The following IGF2R variants were observed in gnomAD, a reference collection of about 807,000 sequenced individuals.
The protein encoded by IGF2R is insulin like growth factor 2 receptor.
In IGF2R, 91 loss-of-function variants were observed where a neutral mutation model predicts 270.6. That is an observed-to-expected ratio of 0.34 (90% CI 0.28 to 0.40). The LOEUF is 0.40. IGF2R is among the 10% of genes least tolerant of loss of function. IGF2R has a pLI of 1.00. For synonymous variants in IGF2R, 1,316 were observed against 1,258.9 expected, an observed-to-expected ratio of 1.05 and a Z score of -0.96; for missense variants, 2,805 against 3,188.3, an observed-to-expected ratio of 0.88 and a Z score of 2.90.
At chr6:159,974,507 A>G (rs1418163132) in intron 1 of IGF2R, among the ~76,000 whole-genome samples, 1 of 152,082 alleles carries the variant, frequency 6.6e-6, no homozygotes, top group African/African-American at 2.4e-5. Context: ...TTTCTCAGTG[A>G]TATCCTTTGA....
At chr6:160,065,810 G>GTA (rs1280903899) in intron 29 of IGF2R, among the ~76,000 whole-genome samples, 16 of 72,968 alleles carry the variant, frequency 2.2e-4, no homozygotes, top group African/African-American at 8.4e-4. Flanking sequence ...GTGTGTGTGT[G>GTA]TGTGTATATA....
Position 160,063,655 on chromosome 6 carries a change from T to C in IGF2R, c.3886+25T>C. 3.8e-6 allele frequency: 6 copies of C among 1,568,316 alleles called. No homozygotes were observed. The East Asian group carries it at 1.3e-4, about 35-fold the overall frequency. ...GGTACCATTGTTTGTCGTTTTCCTT[T>C]TGTTGCAAAGGAATGGAATTAAAAT... On this transcript the variant is annotated intron_variant, in intron 27 of 47. Coordinates refer to ENST00000356956, the MANE Select transcript of IGF2R (RefSeq NM_000876.4).
intron 4 of IGF2R, among the ~76,000 whole-genome samples, chr6:160,022,443 C>CT (rs1470080349): frequency 1.3e-5 from 2 of 152,174 alleles, no homozygotes; most frequent in Admixed American, 1.3e-4. Flanking sequence ...CTTGCCAACT[C>CT]TAACAGTGGG....
chr6:160,077,799 A>G (rs1013066401), intron 36 of IGF2R, among the ~76,000 whole-genome samples: 1 of 152,280 alleles, frequency 6.6e-6, no homozygotes, highest in African/African-American at 2.4e-5. Context: ...ATATCTGGCC[A>G]TGTGGCATCT....
chr6:159,990,108 G>T (rs1783953460), intron 1 of IGF2R, among the ~76,000 whole-genome samples: 1 of 152,298 alleles, frequency 6.6e-6, no homozygotes, highest in African/African-American at 2.4e-5. Context: ...TGCCTTTCAT[G>T]CCATAGCTAG....
At chr6:160,065,810 G>GTATATA (rs1280903899) in intron 29 of IGF2R, among the ~76,000 whole-genome samples, 2 of 72,978 alleles carry the variant, frequency 2.7e-5, no homozygotes, top group African/African-American at 1.2e-4. Context: ...GTGTGTGTGT[G>GTATATA]TGTGTATATA....
At chr6:160,081,803 G>A (rs1778988272) in intron 39 of IGF2R, among the ~76,000 whole-genome samples, 1 of 152,186 alleles carries the variant, frequency 6.6e-6, no homozygotes, top group South Asian at 2.1e-4. Flanking sequence ...GAGAAATATG[G>A]CTCTGTCCTC....
At chr6:159,984,722 A>G (rs1783855980) in intron 1 of IGF2R, among the ~76,000 whole-genome samples, 1 of 152,186 alleles carries the variant, frequency 6.6e-6, no homozygotes, top group Non-Finnish European at 1.5e-5. Context: ...TTGCCTCATG[A>G]CACATTTCTG....
Position 160,075,968 on chromosome 6 carries a change from C to T in IGF2R, c.5288C>T (p.Ala1763Val), listed in dbSNP as rs758109180. The change falls in exon 36 of 48, where the codon GCG becomes GTG. Residue 1763 changes from alanine to valine, a missense_variant. Coordinates refer to ENST00000356956, the MANE Select transcript of IGF2R (RefSeq NM_000876.4). The part of the protein sequence containing the change: ...DKHFNYTSLI[A>V]FHCKRGVSMG... The stretch of plus-strand genomic sequence containing the variant: ...CATTTCAACTACACCTCGCTCATCG[C>T]GTTTCACTGTAAGAGAGGTGTGAGC... 12 of 1,614,154 alleles carry T rather than the reference C, an allele frequency of 7.4e-6. No individual in the cohort carries two copies. The highest frequency in any genetic ancestry group is 1.6e-4 in the Middle Eastern group (1 of 6,062).
At chr6:160,018,447 T>TA (rs993951597) in intron 4 of IGF2R, among the ~76,000 whole-genome samples, 6 of 152,130 alleles carry the variant, frequency 3.9e-5, no homozygotes, top group Non-Finnish European at 5.9e-5. Flanking sequence ...ACACGGCACA[T>TA]AAATTGGATT....
intron 2 of IGF2R, among the ~76,000 whole-genome samples, chr6:160,001,686 T>C (rs1583251503): frequency 6.6e-6 from 1 of 152,128 alleles, no homozygotes; most frequent in African/African-American, 2.4e-5. Context: ...AATCATACAT[T>C]ATCCACACAT....
Position 160,034,534 on chromosome 6 carries a change from C to G in IGF2R, c.1315+12C>G. The G allele has an allele frequency of 6.4e-7, 1 of 1,553,892 alleles. No homozygotes were observed. The highest frequency in any genetic ancestry group is 1.1e-5 in the South Asian group (1 of 89,880). ...CAATAAAACCGCAGGTAAGTGTGCGCTGGAGTTCAGCCCCTCCTCTTTGCA... is the reference window on the plus strand; with the variant it reads ...CAATAAAACCGCAGGTAAGTGTGCGGTGGAGTTCAGCCCCTCCTCTTTGCA... On this transcript the variant is annotated intron_variant, in intron 10 of 47. Coordinates refer to ENST00000356956, the MANE Select transcript of IGF2R (RefSeq NM_000876.4).
In IGF2R at chr6:159,969,388, C is replaced by T; in HGVS notation, c.142C>T (p.Leu48=). ...TQAQAAPFPE[L]CSYTWEAVDT... The stretch of plus-strand genomic sequence containing the variant: ...GGCCCAGGCCGCCCCGTTCCCCGAG[C>T]TGTGCAGGTGGGTGGCCCGCCCGGA... Residue 48 remains leucine, a synonymous_variant, in exon 1 of 48, where the codon CTG becomes TTG. Coordinates refer to ENST00000356956, the MANE Select transcript of IGF2R (RefSeq NM_000876.4). 7.9e-7 allele frequency: 1 copy of T among 1,260,796 alleles called. No individual in the cohort carries two copies. Among genetic ancestry groups the T allele is most frequent in the Non-Finnish European group, 1.0e-6 (1 of 1,004,146 alleles). 78.1% of individuals were successfully genotyped at this position (1,260,796 alleles called of 1,614,324 possible).
intron 41 of IGF2R, among the ~76,000 whole-genome samples, chr6:160,086,288 A>G (rs543165401): frequency 2.8e-4 from 43 of 152,324 alleles, no homozygotes; most frequent in African/African-American, 1.0e-3. Flanking sequence ...CATCCTGAGC[A>G]CCTGCTGACC....
At chr6:160,025,858 C>G (rs958529785) in intron 5 of IGF2R, among the ~76,000 whole-genome samples, 11 of 152,124 alleles carry the variant, frequency 7.2e-5, no homozygotes, top group African/African-American at 2.4e-4. Flanking sequence ...ATTTGGAAAA[C>G]ATTTAGGTTT....
At chr6:160,047,942 G>T in intron 17 of IGF2R, 35 bp downstream of exon 17, 1 of 1,331,200 alleles carries the variant, frequency 7.5e-7, no homozygotes, top group South Asian at 1.2e-5. Flanking sequence ...TTTTGGCCTG[G>T]TACAGATGCT....
At chr6:160,032,022 G>T (rs1777708663) in intron 7 of IGF2R, among the ~76,000 whole-genome samples, 1 of 152,206 alleles carries the variant, frequency 6.6e-6, no homozygotes, top group African/African-American at 2.4e-5. Flanking sequence ...CCAGGAGCAG[G>T]TGTGGGTACA....
At chr6:160,002,044 T>C (rs1259016031) in intron 2 of IGF2R, among the ~76,000 whole-genome samples, 1 of 152,192 alleles carries the variant, frequency 6.6e-6, no homozygotes, top group Non-Finnish European at 1.5e-5. Context: ...TTGCATGTTA[T>C]ATGTATTAAG....
chr6:160,000,163 G>A lies in IGF2R; in HGVS notation c.289+8840G>A, dbSNP rs531968734. ...CTTCACTAATAAGCCAGGTGGATTA[G>A]TCCTTTCTCACATTGCTGTAAAGAA... On this transcript the variant is annotated intron_variant, in intron 2 of 47. Coordinates refer to ENST00000356956, the MANE Select transcript of IGF2R (RefSeq NM_000876.4). 6.6e-5 allele frequency among the ~76,000 whole-genome samples: 10 copies of A among 152,334 alleles called. No individual in the cohort carries two copies. The East Asian group carries it at 1.7e-3, about 26-fold the overall frequency.
Sources: allele counts gnomAD v4.1 joint callset (sites outside exome capture counted in the v4.1 genomes callset), GRCh38; gene constraint gnomAD v4.1.1; transcripts MANE v1.5; gene names NCBI Gene and HGNC (gene_info 2026-07-23, HGNC 2026-07-21).